BAZ2A: variants seen among roughly 807,000 people sequenced by gnomAD.
The protein encoded by BAZ2A is bromodomain adjacent to zinc finger domain 2A, also known as bromodomain adjacent to zinc finger domain protein 2A.
A neutral mutation model predicts 199.9 loss-of-function variants in BAZ2A; 34 were observed. The observed-to-expected ratio is 0.17, with a 90% CI of 0.13 to 0.23. The LOEUF (loss-of-function observed/expected upper bound fraction) is 0.23. Among genes scored for constraint, BAZ2A ranks in the 10% least tolerant of loss-of-function variants. The pLI, the probability that BAZ2A is intolerant of heterozygous loss-of-function variation, is 1.00. For synonymous variants in BAZ2A, 857 were observed against 883.9 expected, an observed-to-expected ratio of 0.97 and a Z score of 0.54; for missense variants, 2,002 against 2,391.1, an observed-to-expected ratio of 0.84 and a Z score of 3.39.
intron 2 of BAZ2A, among the ~76,000 whole-genome samples, chr12:56,616,881 T>C (rs370669518): frequency 6.6e-6 from 1 of 152,156 alleles, no homozygotes; most frequent in African/African-American, 2.4e-5. Context: ...AACACCTCCA[T>C]ATGGAATTAT....
chr12:56,630,346 C>T, upstream of BAZ2A: 2 of 925,250 alleles, frequency 2.2e-6, no homozygotes, highest in Non-Finnish European at 2.6e-6. Context: ...CCGGAGGGGG[C>T]GGAGAAGCCT....
In BAZ2A at chr12:56,601,903, C is replaced by T; in HGVS notation, c.3714G>A (p.Gln1238=). ...PAQPQPQLQL[Q]LQSHKGFLEQ... ...CCAGGAACCCCTTATGGGACTGAAG[C>T]TGAAGCTGAAGCTGAGGCTGGGGCT... Residue 1238 remains glutamine (Q), a synonymous_variant, in exon 20 of 29, where the codon CAG becomes CAA. Coordinates refer to ENST00000549884, the MANE Select transcript of BAZ2A (RefSeq NM_001300905.2). 1 of 1,605,352 alleles carries T rather than the reference C, an allele frequency of 6.2e-7. No individual in the cohort carries two copies. Among genetic ancestry groups the T allele is most frequent in the Non-Finnish European group, 8.5e-7 (1 of 1,175,672 alleles).
rs1950615473 is a variant in BAZ2A, at chr12:56,613,165, G to A, written c.985C>T (p.Leu329Phe). Residue 329 changes from leucine (L) to phenylalanine (F), a missense_variant, in exon 5 of 29, where the codon CTT becomes TTT. By Grantham distance (22) the Leu-to-Phe change is conservative. Around this residue, in one of 6 missense-constraint regions of BAZ2A, gnomAD observed 641 missense variants for 694.5 expected, o/e 0.92. Coordinates refer to ENST00000549884, the MANE Select transcript of BAZ2A (RefSeq NM_001300905.2). ...ELMGAEDKLP[L>F]EDSPVISALD... ...GCAGAAATCACAGGGCTGTCCTCAA[G>A]AGGCAGCTTGTCCTCTGCACCCATC... is the stretch of plus-strand genomic sequence containing the variant. The A allele has an allele frequency of 6.2e-7, 1 of 1,613,872 alleles. No homozygotes were observed. The highest frequency in any genetic ancestry group is 1.7e-5 in the Admixed American group (1 of 60,004).
intron 18 of BAZ2A, 22 bp from the exon 19 acceptor site, chr12:56,602,879 A>G (rs374489795): frequency 6.3e-7 from 1 of 1,597,910 alleles, no homozygotes; most frequent in Non-Finnish European, 8.5e-7. Context: ...ATGAAAATGA[A>G]GATGAATAAA....
In BAZ2A at chr12:56,600,463, T is replaced by A. The variant is rs772642986; in HGVS notation, c.4630A>T (p.Thr1544Ser). 2.5e-6 allele frequency: 4 copies of A among 1,613,094 alleles called. No homozygotes were observed. Among genetic ancestry groups the A allele is most frequent in the Non-Finnish European group, 3.4e-6 (4 of 1,179,770 alleles). ...TCACAGTAGGCCAAGTCTTCACGGG[T>A]AGAGTCTGGGCTAGGACATGTCCAG... is the stretch of plus-strand genomic sequence containing the variant. ...RGWTCPSPDS[T>S]REDLAYCEHL... Residue 1544 changes from threonine to serine, a missense_variant, in exon 24 of 29, where the codon ACC becomes TCC. Coordinates refer to ENST00000549884, the MANE Select transcript of BAZ2A (RefSeq NM_001300905.2).
chr12:56,607,104 G>C (rs925012126), intron 10 of BAZ2A, among the ~76,000 whole-genome samples: 13 of 152,100 alleles, frequency 8.5e-5, no homozygotes, highest in African/African-American at 3.1e-4. Flanking sequence ...ACTGATTTTA[G>C]AGCAGAAAGC....
chr12:56,616,031 G>A (rs1950710636), intron 2 of BAZ2A, among the ~76,000 whole-genome samples: 1 of 152,098 alleles, frequency 6.6e-6, no homozygotes, highest in African/African-American at 2.4e-5. Context: ...AGCCTCCCGA[G>A]TAGCTGGGAC....
intron 14 of BAZ2A, 98 bp downstream of exon 14, chr12:56,604,975 G>A (rs1048213989): frequency 2.0e-5 from 30 of 1,465,608 alleles, no homozygotes; most frequent in Non-Finnish European, 2.6e-5. Context: ...GAGGAGTCAG[G>A]AAGAAAAAGA....
chr12:56,630,878 G>A, upstream of BAZ2A: 1 of 985,212 alleles, frequency 1.0e-6, no homozygotes, highest in Non-Finnish European at 1.2e-6. Flanking sequence ...GTGCGTGGGG[G>A]AAAGAAGGTT....
In BAZ2A at chr12:56,597,716, T is replaced by A. The variant is rs1885978239; in HGVS notation, c.*902A>T. 7 of 151,624 alleles carry A rather than the reference T, an allele frequency of 4.6e-5. No homozygotes were observed. Among genetic ancestry groups the A allele is most frequent in the Admixed American group, 4.6e-4 (7 of 15,206 alleles). The allele number at this position is 151,624 out of a possible 1,614,324, so 9.4% of individuals were successfully genotyped here. On this transcript the variant is annotated 3_prime_UTR_variant, in exon 29 of 29. Coordinates refer to ENST00000549884, the MANE Select transcript of BAZ2A (RefSeq NM_001300905.2). Reference sequence around the variant, plus strand: ...CGGCCCCATTGCTACCTGGCCTCCATCTTAGGGTGCACCCAAACTCAGCAG... The same window carrying A: ...CGGCCCCATTGCTACCTGGCCTCCAACTTAGGGTGCACCCAAACTCAGCAG...
At chr12:56,628,611 C>T (rs1460287078) in intron 1 of BAZ2A, among the ~76,000 whole-genome samples, 1 of 152,170 alleles carries the variant, frequency 6.6e-6, no homozygotes, top group African/African-American at 2.4e-5. Flanking sequence ...ACTGAGTTCA[C>T]CAATCTCAGT....
At chr12:56,610,297 C>G in intron 8 of BAZ2A, 82 bp from the exon 9 acceptor site, 2 of 1,576,690 alleles carry the variant, frequency 1.3e-6, no homozygotes, top group Non-Finnish European at 1.7e-6. Flanking sequence ...CAGAACAGGC[C>G]CAGAGCAGAC....
Position 56,610,225 on chromosome 12 carries a change from A to G in BAZ2A, c.1780-10T>C, listed in dbSNP as rs567018197. On this transcript the variant is annotated splice_polypyrimidine_tract_variant and intron_variant, in intron 8 of 28. Coordinates refer to ENST00000549884, the MANE Select transcript of BAZ2A (RefSeq NM_001300905.2). Reference sequence around the variant, plus strand: ...CGTTGCGGCTCAGGTACTAAGAGGAAGAAGTAAAGTAACATTAATAAAGTT... The same window carrying G: ...CGTTGCGGCTCAGGTACTAAGAGGAGGAAGTAAAGTAACATTAATAAAGTT... 2 of 1,613,596 alleles carry G rather than the reference A, an allele frequency of 1.2e-6. No homozygotes were observed. The highest frequency in any genetic ancestry group is 3.3e-5 in the Admixed American group (2 of 60,018).
chr12:56,598,834 G>C (rs1410537793), intron 28 of BAZ2A, 34 bp downstream of exon 28: 1 of 1,608,482 alleles, frequency 6.2e-7, no homozygotes, highest in Non-Finnish European at 8.5e-7. Context: ...TGCAGCAGTA[G>C]CAAAGACCGG....
chr12:56,605,858 G>T lies in BAZ2A; in HGVS notation c.2465C>A (p.Thr822Lys). 1 of 1,607,412 alleles carries T rather than the reference G, an allele frequency of 6.2e-7. No individual in the cohort carries two copies. Among genetic ancestry groups the T allele is most frequent in the Non-Finnish European group, 8.5e-7 (1 of 1,177,114 alleles). Residue 822 changes from threonine to lysine, a missense_variant, in exon 13 of 29, where the codon ACA (threonine) becomes AAA (lysine). Physicochemically the swap from Thr to Lys is moderately conservative, Grantham distance 78 (BLOSUM62 -1). Around this residue, in one of 6 missense-constraint regions of BAZ2A, gnomAD observed 1,081 missense variants for 1,274.7 expected, o/e 0.85. Transcript: ENST00000549884. ...GTGGTCAGTCAGACACATATCCTCT[G>T]TCGGCTTCTTCATTTCCTCCAAGAT... is the stretch of plus-strand genomic sequence containing the variant. Reference protein sequence around the residue: ...QMILEEMKKPTEDMCLTDHQP... With the variant: ...QMILEEMKKPKEDMCLTDHQP...
chr12:56,618,002 T>C (rs1191538890), intron 1 of BAZ2A, among the ~76,000 whole-genome samples: 2 of 152,226 alleles, frequency 1.3e-5, no homozygotes, highest in East Asian at 1.9e-4. Flanking sequence ...CTTTGTTTCA[T>C]TATTAAACTT....
chr12:56,617,325 T>TC (rs1202977870), intron 2 of BAZ2A, 70 bp downstream of exon 2: 28 of 1,351,256 alleles, frequency 2.1e-5, no homozygotes, highest in Non-Finnish European at 2.5e-5. Flanking sequence ...GAGCAAAATA[T>TC]CCCCCCATGA....
chr12:56,596,717 T>G lies in BAZ2A; in HGVS notation c.*1901A>C, dbSNP rs1260448571. The G allele has an allele frequency of 6.6e-6, 1 of 152,572 alleles. No individual in the cohort carries two copies. Among genetic ancestry groups the G allele is most frequent in the African/African-American group, 2.4e-5 (1 of 41,412 alleles). The allele number at this position is 152,572 out of a possible 1,614,324, so 9.5% of individuals were successfully genotyped here. On this transcript the variant is annotated 3_prime_UTR_variant, in exon 29 of 29. Transcript: ENST00000549884. ...AGTTATTTAGATAAAATATAAATAT[T>G]TATGCATAATATAAAGTCAATTCAA...
Position 56,599,765 on chromosome 12 carries a change from G to A in BAZ2A, c.5109C>T (p.Cys1703=), listed in dbSNP as rs752941047. The part of the protein sequence containing the change: ...DGCDRGCHIY[C]HRPKMEAVPE... ...GGACAGCCTCCATCTTGGGACGATGGCAGTAAATGTGGCAGCCACGGTCAC... is the reference window on the plus strand; with the variant it reads ...GGACAGCCTCCATCTTGGGACGATGACAGTAAATGTGGCAGCCACGGTCAC... The change falls in exon 26 of 29, where the codon TGC becomes TGT. Residue 1703 remains cysteine (C), a synonymous_variant. Transcript: ENST00000549884. 1.9e-6 allele frequency: 3 copies of A among 1,613,978 alleles called. No individual in the cohort carries two copies. Among genetic ancestry groups the A allele is most frequent in the South Asian group, 2.2e-5 (2 of 91,078 alleles).
Sources: allele counts gnomAD v4.1 joint callset (sites outside exome capture counted in the v4.1 genomes callset), GRCh38; gene constraint gnomAD v4.1.1; regional missense constraint gnomAD v4.1.1; transcripts MANE v1.5; gene names NCBI Gene and HGNC (gene_info 2026-07-23, HGNC 2026-07-21).